FARP1: variants seen among roughly 807,000 people sequenced by gnomAD.
The protein encoded by FARP1 is FERM, ARH/RhoGEF and pleckstrin domain protein 1.
In FARP1, 52 loss-of-function variants were observed where a neutral mutation model predicts 128.8. The ratio of observed to expected loss-of-function variants is 0.40; its 90% confidence interval spans 0.32 to 0.51. FARP1 has a LOEUF of 0.51. Ranked by LOEUF, FARP1 falls within the 20% of genes least tolerant of loss-of-function variation. FARP1 has a pLI of 0.45. For synonymous variants in FARP1, 580 were observed against 551.8 expected, an observed-to-expected ratio of 1.05 and a Z score of -0.72; for missense variants, 1,333 against 1,367.9, an observed-to-expected ratio of 0.97 and a Z score of 0.40.
chr13:98,329,671 T>A (rs1027939014), intron 2 of FARP1: 1 of 152,142 alleles, frequency 6.6e-6, no homozygotes, highest in Non-Finnish European at 1.5e-5. Context: ...CAAATATATA[T>A]ATATTTTCCC....
chr13:98,378,074 A>G (rs556166697), intron 6 of FARP1, among the ~76,000 whole-genome samples, 156 bp downstream of exon 6: 99 of 152,346 alleles, frequency 6.5e-4, no homozygotes, highest in African/African-American at 2.2e-3. Context: ...GAGAAAAACA[A>G]TACTCCTGAT....
intron 16 of FARP1, among the ~76,000 whole-genome samples, chr13:98,412,415 A>G (rs77516683): frequency 0.01 from 1,564 of 152,352 alleles, 23 homozygotes; most frequent in African/African-American, 0.036. Context: ...TGAAGTACAT[A>G]CATGCCTTGT....
intron 2 of FARP1, among the ~76,000 whole-genome samples, chr13:98,261,077 G>A (rs1883855563): frequency 1.3e-5 from 2 of 152,342 alleles, no homozygotes; most frequent in East Asian, 1.9e-4. Flanking sequence ...GGAAACTCTG[G>A]TGTCCGCATC....
chr13:98,310,080 G>GTTTTT (rs35233382), intron 2 of FARP1, among the ~76,000 whole-genome samples: 1 of 146,362 alleles, frequency 6.8e-6, no homozygotes, highest in Non-Finnish European at 1.5e-5. Flanking sequence ...TAGATTACAT[G>GTTTTT]TTTTTTTTTT....
intron 2 of FARP1, among the ~76,000 whole-genome samples, chr13:98,336,233 CTGTTGTTGTTTT>C (rs1887736800): frequency 6.6e-6 from 1 of 152,074 alleles, no homozygotes; most frequent in African/African-American, 2.4e-5. Flanking sequence ...AATGTTGTTT[CTGTTGTTGTTTT>C]TGTTCGTTTG....
chr13:98,440,349 T>C (rs1892473944), intron 23 of FARP1, 114 bp downstream of exon 23: 3 of 784,194 alleles, frequency 3.8e-6, no homozygotes, highest in African/African-American at 3.4e-5. Flanking sequence ...TGTACATTTG[T>C]GTTTAAAGCC....
chr13:98,368,607 A>C (rs1328190214), intron 5 of FARP1, among the ~76,000 whole-genome samples: 2 of 152,204 alleles, frequency 1.3e-5, no homozygotes, highest in Non-Finnish European at 2.9e-5. Flanking sequence ...GACCGCGTGG[A>C]AGAAGTGCAG....
Position 98,379,198 on chromosome 13 carries a change from T to TCTATATATA in FARP1, c.496+1280_496+1281insCTATATATA, listed in dbSNP as rs1370152224. On this transcript the variant is annotated intron_variant, in intron 6 of 26. Coordinates refer to ENST00000319562, the MANE Select transcript of FARP1 (RefSeq NM_005766.4). Reference sequence around the variant, plus strand: ...TATATATAATATATATAATATATAATATATATATAATATATAATATATAAT... The same window carrying TCTATATATA: ...TATATATAATATATATAATATATAATCTATATATAATATATATAATATATAATATATAAT... Among the ~76,000 whole-genome samples, 73 of 62,680 alleles carry TCTATATATA rather than the reference T, an allele frequency of 1.2e-3. 18 individuals carry two copies. Among genetic ancestry groups the TCTATATATA allele is most frequent in the African/African-American group, 6.8e-3 (72 of 10,664 alleles). 41.1% of individuals were successfully genotyped at this position (62,680 alleles called of 152,430 possible).
chr13:98,369,354 T>TC (rs1491245692), intron 5 of FARP1, among the ~76,000 whole-genome samples: 1 of 4,808 alleles, frequency 2.1e-4, no homozygotes, highest in Non-Finnish European at 8.0e-4. Context: ...AGCCTAATTC[T>TC]TTTTTTTTTT....
chr13:98,379,162 A>AATATATAATCTATATATAATATATATAAT (rs1354092463), intron 6 of FARP1, among the ~76,000 whole-genome samples: 8 of 112,910 alleles, frequency 7.1e-5, no homozygotes, highest in Non-Finnish European at 1.3e-4. Context: ...ATATATATAT[A>AATATATAATCTATATATAATATATATAAT]ATATATAATC....
intron 1 of FARP1, among the ~76,000 whole-genome samples, chr13:98,182,351 G>A (rs1308621366): frequency 6.6e-6 from 1 of 151,982 alleles, no homozygotes; most frequent in African/African-American, 2.4e-5. Context: ...TTTGAGACAG[G>A]ATCTTGCCCT....
chr13:98,296,343 T>C (rs1885687999), intron 2 of FARP1, among the ~76,000 whole-genome samples: 1 of 152,082 alleles, frequency 6.6e-6, no homozygotes, highest in South Asian at 2.1e-4. Flanking sequence ...ACACTCTCCT[T>C]TCTGCCTTGA....
At chr13:98,324,578 G>GA (rs912098799) in intron 2 of FARP1, among the ~76,000 whole-genome samples, 3 of 151,536 alleles carry the variant, frequency 2.0e-5, no homozygotes, top group Admixed American at 1.3e-4. Context: ...GTCTTCAGAA[G>GA]AAAAAAAATG....
chr13:98,409,156 T>C (rs1474053744), intron 13 of FARP1, among the ~76,000 whole-genome samples, 182 bp from the exon 14 acceptor site: 2 of 152,214 alleles, frequency 1.3e-5, no homozygotes, highest in East Asian at 3.8e-4. Flanking sequence ...CTTCATACTT[T>C]GGTATCTTTA....
intron 18 of FARP1, 94 bp downstream of exon 18, chr13:98,431,374 G>A: frequency 2.6e-6 from 2 of 767,330 alleles, no homozygotes; most frequent in Non-Finnish European, 2.1e-6. Flanking sequence ...GCTCCCCGGG[G>A]AGAGAGGTCA....
intron 1 of FARP1, among the ~76,000 whole-genome samples, chr13:98,179,378 T>A (rs542723342): frequency 6.6e-6 from 1 of 152,334 alleles, no homozygotes; most frequent in Admixed American, 6.5e-5. Context: ...TTTTGGGAGC[T>A]ACCATTCAAG....
At chr13:98,280,461 G>A (rs540806395) in intron 2 of FARP1, among the ~76,000 whole-genome samples, 4 of 152,230 alleles carry the variant, frequency 2.6e-5, no homozygotes, top group Non-Finnish European at 5.9e-5. Context: ...CCTTCTTTAG[G>A]TGTCCTTCCC....
At chr13:98,154,230 A>C (rs1876334851) in intron 1 of FARP1, among the ~76,000 whole-genome samples, 1 of 152,226 alleles carries the variant, frequency 6.6e-6, no homozygotes, top group Non-Finnish European at 1.5e-5. Context: ...TAGAGCTGCT[A>C]TAAACTCTCA....
At chr13:98,403,253 G>A (rs1594495013) in intron 13 of FARP1, 1 of 152,202 alleles carries the variant, frequency 6.6e-6, no homozygotes, top group Admixed American at 6.5e-5. Context: ...AAGAAGAGGT[G>A]AACTTTGCTC....
Sources: gnomAD v4.1 joint callset for allele counts (sites outside exome capture counted in the v4.1 genomes callset) on GRCh38, gnomAD v4.1.1 for gene constraint, MANE v1.5 for transcripts, NCBI Gene and HGNC (gene_info 2026-07-23, HGNC 2026-07-21) for gene names.